Variants in BCL11B observed in about 807,000 individuals in gnomAD.
BCL11B encodes the protein BCL11 transcription factor B.
BCL11B carries 8 observed loss-of-function variants against 49.9 expected under a neutral mutation model. The ratio of observed to expected loss-of-function variants is 0.16; its 90% CI spans 0.09 to 0.29. The LOEUF (loss-of-function observed/expected upper bound fraction) is 0.29. BCL11B is among the 10% of genes least tolerant of loss of function. The pLI, the probability that BCL11B is intolerant of heterozygous loss-of-function variation, is 1.00. For missense variants in BCL11B, 1,006 were observed against 1,351.0 expected, an observed-to-expected ratio of 0.74 and a Z score of 4.00; for synonymous variants, 739 against 637.4, an observed-to-expected ratio of 1.16 and a Z score of -2.40.
In BCL11B at chr14:99,271,297, CGCGCCGCT is replaced by C; in HGVS notation, c.-87_-80del. The C allele has an allele frequency of 1.2e-6, 1 of 836,630 alleles. No homozygotes were observed. Among genetic ancestry groups the C allele is most frequent in the Non-Finnish European group, 1.6e-6 (1 of 633,454 alleles). 51.8% of individuals were successfully genotyped at this position (836,630 alleles called of 1,614,324 possible). On this transcript the variant is annotated 5_prime_UTR_variant, in exon 1 of 4. Coordinates refer to ENST00000357195, the MANE Select transcript of BCL11B (RefSeq NM_138576.4). ...CGGGGGAGGGGGTCCGAGCCGCCGC[CGCGCCGCT>C]GCCGCCGCTGCCGCCGCCGCCGCCG...
chr14:99,197,256 G>A (rs534556552), intron 3 of BCL11B, among the ~76,000 whole-genome samples: 2 of 152,274 alleles, frequency 1.3e-5, no homozygotes, highest in African/African-American at 4.8e-5. Context: ...AGATGAGTAA[G>A]AAAAGGACCC....
At chr14:99,229,961 G>A (rs892835115) in intron 3 of BCL11B, among the ~76,000 whole-genome samples, 2 of 152,222 alleles carry the variant, frequency 1.3e-5, no homozygotes, top group African/African-American at 4.8e-5. Context: ...CCAGAAAAGG[G>A]AGCCGGCGTC....
rs1595212773 is a variant in BCL11B at position 99,173,977 on chromosome 14, C to A, written c.*174G>T. The A allele has an allele frequency of 1.6e-6, 1 of 622,584 alleles. No homozygotes were observed. The highest frequency in any genetic ancestry group is 2.8e-6 in the Non-Finnish European group (1 of 356,714). The allele number at this position is 622,584 out of a possible 1,614,324, so 38.6% of individuals were successfully genotyped here. On this transcript the variant is annotated 3_prime_UTR_variant, in exon 4 of 4. Coordinates refer to ENST00000357195, the MANE Select transcript of BCL11B (RefSeq NM_138576.4). The stretch of plus-strand genomic sequence containing the variant: ...CACAATTTGTACTGCCTTAATCAAC[C>A]CTCGGGTTTCCATAGGACTTCGCAG...
intron 3 of BCL11B, among the ~76,000 whole-genome samples, chr14:99,178,292 TAAA>T (rs765921955): frequency 5.3e-5 from 8 of 152,324 alleles, no homozygotes; most frequent in Non-Finnish European, 1.2e-4. Context: ...TCATCCCTCT[TAAA>T]AACAGCTCAA....
intron 3 of BCL11B, among the ~76,000 whole-genome samples, chr14:99,199,546 A>G (rs1253796200): frequency 2.0e-5 from 3 of 152,142 alleles, no homozygotes; most frequent in Non-Finnish European, 4.4e-5. Context: ...ACAAAATCAC[A>G]CAATCAAAAG....
At position 99,257,351 on chromosome 14, in the gene BCL11B, G is replaced by C; in HGVS notation, c.427+120C>G. 1 of 1,322,006 alleles carries C rather than the reference G, an allele frequency of 7.6e-7. No individual in the cohort carries two copies. The highest frequency in any genetic ancestry group is 1.0e-6 in the Non-Finnish European group (1 of 994,366). The allele number at this position is 1,322,006 out of a possible 1,614,324, so 81.9% of individuals were successfully genotyped here. On this transcript the variant is annotated intron_variant, in intron 2 of 3. Coordinates refer to ENST00000357195, the MANE Select transcript of BCL11B (RefSeq NM_138576.4). The surrounding 1 kb of genome is among the most constrained non-coding windows in gnomAD (Gnocchi z 6.2). The stretch of plus-strand genomic sequence containing the variant: ...CCTCAGAAAGGGGGAGCCCCGGCTG[G>C]TGGCCCAGAGGCCATCCTGGAAGCC...
At chr14:99,266,219 G>A (rs969874714) in intron 1 of BCL11B, among the ~76,000 whole-genome samples, 8 of 152,186 alleles carry the variant, frequency 5.3e-5, no homozygotes, top group African/African-American at 1.9e-4. Context: ...GAGAATCCAA[G>A]TGTCATAAAA....
chr14:99,239,464 A>G (rs1029968075), intron 2 of BCL11B, among the ~76,000 whole-genome samples: 2 of 152,220 alleles, frequency 1.3e-5, no homozygotes, highest in African/African-American at 4.8e-5. Flanking sequence ...CTTAGGGGCC[A>G]GACTCCAATG....
chr14:99,217,139 T>A (rs1438958491), intron 3 of BCL11B, among the ~76,000 whole-genome samples: 1 of 151,876 alleles, frequency 6.6e-6, no homozygotes, highest in East Asian at 1.9e-4. Context: ...CACACACAAA[T>A]ACGTATGTAT....
chr14:99,229,604 T>C lies in BCL11B; in HGVS notation c.640+1741A>G, dbSNP rs115701153. On this transcript the variant is annotated intron_variant, in intron 3 of 3. Transcript: ENST00000357195. ...AAGATGCTAAGCAGGCCTGGCCACA[T>C]GAGGGAGCGGCTCAGTCCTCTAGCT... Among the ~76,000 whole-genome samples, 863 of 152,180 alleles carry C rather than the reference T, an allele frequency of 5.7e-3. 6 individuals carry two copies. Among genetic ancestry groups the C allele is most frequent in the African/African-American group, 0.02 (834 of 41,530 alleles).
chr14:99,178,367 A>C (rs1223973417), intron 3 of BCL11B, among the ~76,000 whole-genome samples: 1 of 152,208 alleles, frequency 6.6e-6, no homozygotes, highest in Admixed American at 6.5e-5. Context: ...TCTCTTAGTC[A>C]TCCAGGTAAC....
chr14:99,257,884 T>C lies in BCL11B; in HGVS notation c.59-45A>G. 6.7e-7 allele frequency: 1 copy of C among 1,484,286 alleles called. No individual in the cohort carries two copies. The highest frequency in any genetic ancestry group is 9.0e-7 in the Non-Finnish European group (1 of 1,115,712). The allele number at this position is 1,484,286 out of a possible 1,614,324, so 91.9% of individuals were successfully genotyped here. A position where few individuals can be genotyped will look rare whatever the true frequency, so the allele number is the denominator to read the frequency against. The stretch of plus-strand genomic sequence containing the variant: ...AGGGAAGGGGCAGAGAAGATAGAGA[T>C]GGGCTTAGGCGGTCACAGCACCCAA... On this transcript the variant is annotated intron_variant, in intron 1 of 3. Transcript: ENST00000357195. The surrounding 1 kb of genome is among the most constrained non-coding windows in gnomAD (Gnocchi z 6.2).
rs1221917213 is a variant in BCL11B, at chr14:99,171,224, G to GACAAAAAATATAT, written c.*2914_*2926dup. On this transcript the variant is annotated 3_prime_UTR_variant, in exon 4 of 4. Coordinates refer to ENST00000357195, the MANE Select transcript of BCL11B (RefSeq NM_138576.4). ...ACGGTTCTCTGTGTAGGCCAATTCC[G>GACAAAAAATATAT]ACAAAAAATATATACAACTAAATGA... is the stretch of plus-strand genomic sequence containing the variant. 1 of 227,632 alleles carries GACAAAAAATATAT rather than the reference G, an allele frequency of 4.4e-6. No individual in the cohort carries two copies. The highest frequency in any genetic ancestry group is 2.2e-5 in the African/African-American group (1 of 44,944). The allele number at this position is 227,632 out of a possible 1,614,324, so 14.1% of individuals were successfully genotyped here.
At chr14:99,200,459 T>C (rs1009567210) in intron 3 of BCL11B, among the ~76,000 whole-genome samples, 2 of 152,250 alleles carry the variant, frequency 1.3e-5, no homozygotes, top group South Asian at 2.1e-4. Context: ...CAGTTGGCCC[T>C]GTAGGGCAAG....
chr14:99,270,673 G>C (rs1277706249), intron 1 of BCL11B, among the ~76,000 whole-genome samples: 7 of 151,576 alleles, frequency 4.6e-5, no homozygotes, highest in Non-Finnish European at 1.5e-5. Context: ...TCCCCCAGCC[G>C]GAACGCACCC....
chr14:99,249,622 C>T (rs988956339), intron 2 of BCL11B, among the ~76,000 whole-genome samples: 1 of 152,224 alleles, frequency 6.6e-6, no homozygotes, highest in Non-Finnish European at 1.5e-5. Flanking sequence ...CAGTGAAGAA[C>T]ATAACTGCCG....
At chr14:99,206,549 A>G (rs1887538641) in intron 3 of BCL11B, among the ~76,000 whole-genome samples, 1 of 152,308 alleles carries the variant, frequency 6.6e-6, no homozygotes, top group Admixed American at 6.5e-5. Context: ...ATGCTGTAAG[A>G]CACCACCTGC....
In BCL11B at chr14:99,195,530, T is replaced by C. The variant is rs1887154840; in HGVS notation, c.641-19335A>G. ...TGGCTGGCCCTTGCTGAGCACTTGC[T>C]GAGTGCCTCAGTGTATCTTCGTGAA... is the stretch of plus-strand genomic sequence containing the variant. On this transcript the variant is annotated intron_variant, in intron 3 of 3. Transcript: ENST00000357195. The surrounding 1 kb of genome is among the most constrained non-coding windows in gnomAD (Gnocchi z 4.7). Among the ~76,000 whole-genome samples, 1 of 152,140 alleles carries C rather than the reference T, an allele frequency of 6.6e-6. No individual in the cohort carries two copies. The highest frequency in any genetic ancestry group is 2.1e-4 in the South Asian group (1 of 4,822).
chr14:99,221,284 C>T (rs1380992344), intron 3 of BCL11B, among the ~76,000 whole-genome samples: 3 of 152,232 alleles, frequency 2.0e-5, no homozygotes, highest in Non-Finnish European at 4.4e-5. Flanking sequence ...CTCACGCACC[C>T]AGTGGGCCTT....
Sources: allele counts gnomAD v4.1 joint callset (sites outside exome capture counted in the v4.1 genomes callset), GRCh38; gene constraint gnomAD v4.1.1; non-coding constraint Gnocchi (gnomAD v3.1); transcripts MANE v1.5; gene names NCBI Gene and HGNC (gene_info 2026-07-23, HGNC 2026-07-21).